Variants in ZBBX observed in about 807,000 individuals in gnomAD.
ZBBX encodes zinc finger B-box domain containing.
ZBBX carries 101 observed loss-of-function variants against 108.5 expected under a neutral mutation model. The ratio of observed to expected loss-of-function variants is 0.93; its 90% CI spans 0.79 to 1.10. The LOEUF (loss-of-function observed/expected upper bound fraction) is 1.10, where lower values mean the gene tolerates loss of function less well. Ranked by LOEUF, ZBBX falls within the 50% of genes least tolerant of loss-of-function variation. The pLI, the probability that ZBBX is intolerant of heterozygous loss-of-function variation, is 0.00. For missense variants in ZBBX, 1,009 were observed against 941.4 expected, an observed-to-expected ratio of 1.07 and a Z score of -0.94; for synonymous variants, 356 against 323.4, an observed-to-expected ratio of 1.10 and a Z score of -1.08.
the ZBBX span, among the ~76,000 whole-genome samples, chr3:167,200,835 A>G: frequency 6.6e-6 from 1 of 152,138 alleles, no homozygotes; most frequent in African/African-American, 2.4e-5. Flanking sequence ...CAAAAGTGGA[A>G]GGAATCTCAA....
chr3:167,195,525 T>C, the ZBBX span, among the ~76,000 whole-genome samples: 2 of 152,194 alleles, frequency 1.3e-5, no homozygotes, highest in Admixed American at 1.3e-4. Flanking sequence ...GTGTTGAACT[T>C]ACATTTAATC....
chr3:167,354,649 A>G (rs957271897), intron 8 of ZBBX, among the ~76,000 whole-genome samples: 4 of 151,902 alleles, frequency 2.6e-5, no homozygotes, highest in Admixed American at 6.6e-5. Context: ...ATATAAATAC[A>G]TGGTTATATC....
chr3:167,405,326 A>G (rs1322977034), intron 1 of ZBBX, among the ~76,000 whole-genome samples: 1 of 152,172 alleles, frequency 6.6e-6, no homozygotes, highest in African/African-American at 2.4e-5. Context: ...TGACATAAAC[A>G]GTGCAGACAG....
At chr3:167,370,134 G>A (rs1745932255) in intron 4 of ZBBX, among the ~76,000 whole-genome samples, 1 of 152,098 alleles carries the variant, frequency 6.6e-6, no homozygotes, top group Non-Finnish European at 1.5e-5. Flanking sequence ...CAATTAGAGG[G>A]TGCAAGGCTA....
chr3:167,258,692 G>A lies in ZBBX; in HGVS notation c.2255-16049C>T, dbSNP rs138501374. ...GAGTTTTAATCATAAAGGGATGCTG[G>A]ATTTTGTTGAATGCTTTTTCTGCAT... On this transcript the variant is annotated intron_variant, in intron 20 of 21. Coordinates refer to ENST00000675490, the MANE Select transcript of ZBBX (RefSeq NM_001199201.2). Among the ~76,000 whole-genome samples, 933 of 152,210 alleles carry A rather than the reference G, an allele frequency of 6.1e-3. 6 individuals are homozygous for A. The highest frequency in any genetic ancestry group is 0.022 in the African/African-American group (905 of 41,548).
At chr3:167,307,149 T>TA (rs1381001603) in intron 16 of ZBBX, among the ~76,000 whole-genome samples, 5 of 151,708 alleles carry the variant, frequency 3.3e-5, no homozygotes, top group Non-Finnish European at 5.9e-5. Context: ...AAGAACCATA[T>TA]ATAACAAACC....
At chr3:167,262,198 T>C (rs1385988326) in intron 20 of ZBBX, among the ~76,000 whole-genome samples, 1 of 53,608 alleles carries the variant, frequency 1.9e-5, no homozygotes, top group Admixed American at 1.8e-4. Flanking sequence ...CACTCAGTTT[T>C]TGTGGGTCGG....
Position 167,315,742 on chromosome 3 carries a change from G to C in ZBBX, c.1274+8C>G, listed in dbSNP as rs944468399. The C allele has an allele frequency of 1.1e-5, 17 of 1,597,224 alleles. No individual in the cohort carries two copies. The highest frequency in any genetic ancestry group is 1.4e-5 in the Non-Finnish European group (16 of 1,169,646). The stretch of plus-strand genomic sequence containing the variant: ...ATATGCACACAAAGTTAATTAGAAA[G>C]GTTTTACCTTCGTTGACTGTCTGCA... On this transcript the variant is annotated splice_region_variant and intron_variant, in intron 15 of 21. Transcript: ENST00000675490.
intron 20 of ZBBX, among the ~76,000 whole-genome samples, chr3:167,265,965 G>C (rs1247666886): frequency 6.6e-6 from 1 of 152,224 alleles, no homozygotes; most frequent in African/African-American, 2.4e-5. Context: ...GCTGCCAGGA[G>C]GTGGGGGAAG....
the ZBBX span, among the ~76,000 whole-genome samples, chr3:167,184,350 C>A: frequency 6.6e-6 from 1 of 152,060 alleles, no homozygotes; most frequent in African/African-American, 2.4e-5. Context: ...GCTCCCTATT[C>A]TTTATTCAAA....
chr3:167,259,237 A>C (rs760883589), intron 20 of ZBBX, among the ~76,000 whole-genome samples: 2 of 152,114 alleles, frequency 1.3e-5, no homozygotes, highest in Non-Finnish European at 2.9e-5. Flanking sequence ...CATGTATTCT[A>C]GGTTTTCTAG....
Position 167,328,011 on chromosome 3 carries a change from C to T in ZBBX, c.793G>A (p.Val265Met). Reference sequence around the variant, plus strand: ...TTTCCGGTTCTCCATTGACTTAACACTTCCTGAAAGGACTGTGCAGAAGCT... The same window carrying T: ...TTTCCGGTTCTCCATTGACTTAACATTTCCTGAAAGGACTGTGCAGAAGCT... The part of the protein sequence containing the change: ...EEASAQSFQE[V>M]LSQWRTGNHD... Residue 265 changes from valine (V) to methionine (M), a missense_variant, in exon 11 of 22, where the codon GTG becomes ATG. Physicochemically the swap from Val to Met is conservative, Grantham distance 21 (BLOSUM62 1). Transcript: ENST00000675490. 6.2e-7 allele frequency: 1 copy of T among 1,603,526 alleles called. No homozygotes were observed. The highest frequency in any genetic ancestry group is 1.1e-5 in the South Asian group (1 of 90,818).
rs1455366970 is a variant in ZBBX at position 167,348,487 on chromosome 3, AAG to A, written c.528+1931_528+1932del. 1.5e-4 allele frequency among the ~76,000 whole-genome samples: 22 copies of A among 151,070 alleles called. No individual in the cohort carries two copies. In the East Asian group the frequency reaches 3.3e-3, roughly 23 times the overall value. On this transcript the variant is annotated intron_variant, in intron 9 of 21. Transcript: ENST00000675490. ...AGAAAGAAAGAGAGAGAAGGAAAGA[AAG>A]AGAGGAAATTGTGATGTAATGTGAA...
the ZBBX span, among the ~76,000 whole-genome samples, chr3:167,211,602 A>G: frequency 7.5e-4 from 114 of 152,286 alleles, no homozygotes; most frequent in African/African-American, 2.7e-3. Flanking sequence ...AAAGGCTGCC[A>G]TCTTTGCTGT....
chr3:167,350,824 T>C (rs923784303), intron 8 of ZBBX, among the ~76,000 whole-genome samples: 2 of 152,146 alleles, frequency 1.3e-5, no homozygotes, highest in Non-Finnish European at 2.9e-5. Context: ...GCATAGTTTC[T>C]GAATAAACTA....
chr3:167,347,087 T>C (rs1741602548), intron 9 of ZBBX, among the ~76,000 whole-genome samples: 1 of 151,846 alleles, frequency 6.6e-6, no homozygotes, highest in East Asian at 1.9e-4. Context: ...ATAATAAAGG[T>C]GGTTATTATA....
chr3:167,305,885 T>G lies in ZBBX; in HGVS notation c.1483A>C (p.Lys495Gln). The stretch of plus-strand genomic sequence containing the variant: ...TCAAAGGAGGTGCTTTCCTCAATTT[T>G]TTCAATGTCAGAAGAATACACATCA... Reference protein sequence around the residue: ...DPDVYSSDIEKIEESTSFERN... With the variant: ...DPDVYSSDIEQIEESTSFERN... Residue 495 changes from lysine (K) to glutamine (Q), a missense_variant, in exon 17 of 22, where the codon AAA (lysine) becomes CAA (glutamine). By Grantham distance (53) the Lys-to-Gln change is moderately conservative (BLOSUM62 1). Transcript: ENST00000675490. 1.2e-6 allele frequency: 2 copies of G among 1,608,188 alleles called. No individual in the cohort carries two copies. The highest frequency in any genetic ancestry group is 1.7e-6 in the Non-Finnish European group (2 of 1,177,898).
chr3:167,251,738 A>G (rs1722640041), intron 20 of ZBBX, among the ~76,000 whole-genome samples: 1 of 152,112 alleles, frequency 6.6e-6, no homozygotes, highest in East Asian at 1.9e-4. Flanking sequence ...GATAGGTTCT[A>G]TTATTATGCT....
the ZBBX span, among the ~76,000 whole-genome samples, chr3:167,187,988 T>C: frequency 4.6e-5 from 7 of 152,284 alleles, no homozygotes; most frequent in Admixed American, 2.0e-4. Flanking sequence ...CCTAGGAATT[T>C]CCAGAATTAC....
Sources: allele counts gnomAD v4.1 joint callset (sites outside exome capture counted in the v4.1 genomes callset), GRCh38; gene constraint gnomAD v4.1.1; transcripts MANE v1.5; gene names NCBI Gene and HGNC (gene_info 2026-07-23, HGNC 2026-07-21).